Variants in PIBF1 observed in about 807,000 individuals in gnomAD.
PIBF1 encodes the protein progesterone-induced-blocking factor 1.
PIBF1 carries 90 observed loss-of-function variants against 112.5 expected under a neutral mutation model. The ratio of observed to expected loss-of-function variants is 0.80; its 90% CI spans 0.67 to 0.95. The LOEUF is 0.95. Ranked by LOEUF, PIBF1 falls within the 40% of genes least tolerant of loss-of-function variation. The probability of loss-of-function intolerance (pLI) is 0.00; values close to 1 mark genes in which losing one functional copy is unlikely to be tolerated. For missense variants in PIBF1, 915 were observed against 852.3 expected, an observed-to-expected ratio of 1.07 and a Z score of -0.92; for synonymous variants, 301 against 288.6, an observed-to-expected ratio of 1.04 and a Z score of -0.44.
intron 9 of PIBF1, among the ~76,000 whole-genome samples, chr13:72,850,578 T>C (rs1017990612): frequency 1.3e-5 from 2 of 152,216 alleles, no homozygotes; most frequent in Non-Finnish European, 2.9e-5. Flanking sequence ...CATCTACCAA[T>C]TGAGCATTCG....
intron 9 of PIBF1, among the ~76,000 whole-genome samples, chr13:72,850,936 C>T (rs376888927): frequency 1.1e-3 from 172 of 152,290 alleles, no homozygotes; most frequent in African/African-American, 3.3e-3. Context: ...CTTTTCTTTT[C>T]AATAAGAGTT....
At chr13:72,960,179 A>G (rs1358596416) in intron 14 of PIBF1, among the ~76,000 whole-genome samples, 3 of 152,224 alleles carry the variant, frequency 2.0e-5, no homozygotes, top group African/African-American at 7.2e-5. Context: ...TATCCAGAGT[A>G]AGGCGGTTAT....
intron 16 of PIBF1, among the ~76,000 whole-genome samples, chr13:72,980,813 AAAAAAG>A (rs970176786): frequency 2.6e-5 from 4 of 151,946 alleles, no homozygotes; most frequent in East Asian, 2.0e-4. Flanking sequence ...CTCCAAAAAA[AAAAAAG>A]AAAAAGAAAA....
intron 14 of PIBF1, among the ~76,000 whole-genome samples, chr13:72,964,539 A>G (rs1309205726): frequency 6.6e-6 from 1 of 152,224 alleles, no homozygotes; most frequent in Non-Finnish European, 1.5e-5. Context: ...TGATTTGGAT[A>G]TATAAATTAT....
chr13:72,858,030 T>TGTGC (rs2038514280), intron 10 of PIBF1, among the ~76,000 whole-genome samples: 1 of 150,754 alleles, frequency 6.6e-6, no homozygotes, highest in African/African-American at 2.4e-5. Context: ...ACATTGTGTG[T>TGTGC]GTGTGTGTGT....
chr13:72,853,701 G>C (rs1308444186), intron 9 of PIBF1, among the ~76,000 whole-genome samples: 2 of 152,018 alleles, frequency 1.3e-5, no homozygotes, highest in Non-Finnish European at 2.9e-5. Flanking sequence ...TATTTTATGG[G>C]ACATTTATTA....
At chr13:72,955,473 T>C (rs2042420039) in intron 14 of PIBF1, among the ~76,000 whole-genome samples, 1 of 152,122 alleles carries the variant, frequency 6.6e-6, no homozygotes, top group African/African-American at 2.4e-5. Context: ...TTATATTCTG[T>C]TTATACGTCA....
At chr13:72,997,341 C>G (rs1006878088) in intron 16 of PIBF1, among the ~76,000 whole-genome samples, 4 of 152,158 alleles carry the variant, frequency 2.6e-5, no homozygotes, top group Admixed American at 6.5e-5. Context: ...CATAGTGGAG[C>G]ATATAAATGA....
chr13:72,938,574 T>A (rs1007495007), intron 14 of PIBF1, among the ~76,000 whole-genome samples: 1 of 152,220 alleles, frequency 6.6e-6, no homozygotes, highest in Non-Finnish European at 1.5e-5. Context: ...ATTTTGCAGA[T>A]TAACTACATT....
At chr13:72,825,304 T>C (rs2036752162) in intron 6 of PIBF1, among the ~76,000 whole-genome samples, 1 of 152,230 alleles carries the variant, frequency 6.6e-6, no homozygotes, top group African/African-American at 2.4e-5. Flanking sequence ...TGTGATTATA[T>C]AAGAGACTAT....
At chr13:72,888,942 G>A (rs1322681069) in intron 10 of PIBF1, among the ~76,000 whole-genome samples, 1 of 152,060 alleles carries the variant, frequency 6.6e-6, no homozygotes, top group African/African-American at 2.4e-5. Flanking sequence ...ACCCACACCT[G>A]TAATCCCAGC....
intron 10 of PIBF1, among the ~76,000 whole-genome samples, chr13:72,862,289 T>C (rs2038728152): frequency 6.6e-6 from 1 of 152,122 alleles, no homozygotes; most frequent in Non-Finnish European, 1.5e-5. Flanking sequence ...CTGCGCAAAA[T>C]AAGTAAGTCA....
intron 16 of PIBF1, among the ~76,000 whole-genome samples, chr13:72,979,695 G>A (rs1328993423): frequency 1.3e-5 from 2 of 151,966 alleles, no homozygotes; most frequent in South Asian, 2.1e-4. Flanking sequence ...AGGCCGAGGC[G>A]GGCAGATCAC....
chr13:72,909,824 C>G (rs974481071), intron 12 of PIBF1, among the ~76,000 whole-genome samples: 2 of 152,086 alleles, frequency 1.3e-5, no homozygotes, highest in Admixed American at 6.6e-5. Context: ...AATAAAAATT[C>G]ATTTGAGGGT....
Position 72,822,025 on chromosome 13 carries a change from G to A in PIBF1, c.806+43G>A, listed in dbSNP as rs1384071081. The stretch of plus-strand genomic sequence containing the variant: ...CTGCAGTAGTAGTTCTCTATTTTTA[G>A]GGTGCATCAAAGTCACCTGAGTTTT... On this transcript the variant is annotated intron_variant, in intron 6 of 17. Coordinates refer to ENST00000326291, the MANE Select transcript of PIBF1 (RefSeq NM_006346.4). 20 of 1,537,980 alleles carry A rather than the reference G, an allele frequency of 1.3e-5. 1 individual carries two copies. In the South Asian group the frequency reaches 2.5e-4, roughly 19 times the overall value.
intron 8 of PIBF1, among the ~76,000 whole-genome samples, chr13:72,831,905 C>CTT (rs1165672524): frequency 6.6e-6 from 1 of 152,020 alleles, no homozygotes; most frequent in East Asian, 1.9e-4. Flanking sequence ...TCTCTAAGAA[C>CTT]TTCCTTTATG....
intron 16 of PIBF1, among the ~76,000 whole-genome samples, chr13:72,985,726 A>T (rs1420588766): frequency 1.3e-5 from 2 of 152,204 alleles, no homozygotes; most frequent in African/African-American, 4.8e-5. Flanking sequence ...AACATGGAGA[A>T]GGTACAGGCA....
At chr13:72,800,221 A>G (rs2035402193) in intron 5 of PIBF1, among the ~76,000 whole-genome samples, 1 of 152,144 alleles carries the variant, frequency 6.6e-6, no homozygotes, top group Non-Finnish European at 1.5e-5. Context: ...TTTTTAGTAG[A>G]GATAGAATTT....
chr13:72,985,751 A>C (rs2043269010), intron 16 of PIBF1, among the ~76,000 whole-genome samples: 1 of 152,154 alleles, frequency 6.6e-6, no homozygotes, highest in African/African-American at 2.4e-5. Flanking sequence ...AGTGAGTCAT[A>C]CTCTGAAAAC....
Sources: allele counts gnomAD v4.1 joint callset (sites outside exome capture counted in the v4.1 genomes callset), GRCh38; gene constraint gnomAD v4.1.1; transcripts MANE v1.5; gene names NCBI Gene and HGNC (gene_info 2026-07-23, HGNC 2026-07-21).